Variants in MED13L observed in about 807,000 individuals in gnomAD.
MED13L encodes mediator of RNA polymerase II transcription subunit 13-like.
Under a neutral mutation model 220.9 loss-of-function variants are expected in MED13L, and 7 were observed. The ratio of observed to expected loss-of-function variants is 0.03; its 90% CI spans 0.02 to 0.06. The LOEUF (loss-of-function observed/expected upper bound fraction) is 0.06. Among genes scored for constraint, MED13L ranks in the 10% least tolerant of loss-of-function variants. MED13L has a pLI of 1.00. For missense variants in MED13L, 1,965 were observed against 2,760.5 expected, an observed-to-expected ratio of 0.71 and a Z score of 6.46; for synonymous variants, 1,011 against 1,015.2, an observed-to-expected ratio of 1.00 and a Z score of 0.08.
chr12:116,131,756 A>C (rs1876085377), intron 2 of MED13L, among the ~76,000 whole-genome samples: 1 of 152,222 alleles, frequency 6.6e-6, no homozygotes, highest in Non-Finnish European at 1.5e-5. Flanking sequence ...AGGAAGGCAG[A>C]TCGCTTCAGC....
intron 2 of MED13L, among the ~76,000 whole-genome samples, chr12:116,195,601 G>A (rs573259268): frequency 2.6e-5 from 4 of 151,918 alleles, no homozygotes; most frequent in Non-Finnish European, 4.4e-5. Flanking sequence ...ACAGGTGTGC[G>A]CTACCACACC....
chr12:115,962,493 T>C (rs1295130849), intron 30 of MED13L: 2 of 152,218 alleles, frequency 1.3e-5, no homozygotes, highest in African/African-American at 4.8e-5. Context: ...TGGGGACCCC[T>C]GCTCTAGGGG....
rs1873983117 is a variant in MED13L at position 116,277,523 on chromosome 12, C to T, written c.-392G>A. Among the ~76,000 whole-genome samples the T allele has an allele frequency of 6.7e-6, 1 of 148,830 alleles. No homozygotes were observed. Among genetic ancestry groups the T allele is most frequent in the African/African-American group, 2.4e-5 (1 of 40,974 alleles). On this transcript the variant is annotated 5_prime_UTR_variant, in exon 1 of 31. Transcript: ENST00000281928. ...GGAGCCGCCGCCGCCGCCTCGGAGCCGCCGCCGCCGCGGAGCGCGAACTCG... is the reference window on the plus strand; with the variant it reads ...GGAGCCGCCGCCGCCGCCTCGGAGCTGCCGCCGCCGCGGAGCGCGAACTCG...
chr12:115,982,158 T>TA (rs1314701077), intron 22 of MED13L: 1 of 550,724 alleles, frequency 1.8e-6, no homozygotes, highest in Non-Finnish European at 3.2e-6. Context: ...ATATGAAACA[T>TA]AAATAAATTT....
chr12:116,148,795 T>C (rs1368019705), intron 2 of MED13L: 1 of 156,172 alleles, frequency 6.4e-6, no homozygotes, highest in Admixed American at 6.5e-5. Context: ...TCTATTCGTC[T>C]AACCAATCAA....
chr12:116,119,872 C>G (rs1874886805), intron 2 of MED13L, among the ~76,000 whole-genome samples: 1 of 111,576 alleles, frequency 9.0e-6, no homozygotes, highest in Non-Finnish European at 1.7e-5. Flanking sequence ...TGAAACTTGT[C>G]CAAAGTCACA....
In MED13L at chr12:115,972,966, C is replaced by A. The variant is rs146337412; in HGVS notation, c.5732-730G>T. 4.1e-4 allele frequency among the ~76,000 whole-genome samples: 62 copies of A among 152,258 alleles called. 1 individual carries two copies. The highest frequency in any genetic ancestry group is 6.8e-3 in the Middle Eastern group (2 of 294). ...AGTATGCGCCATTCCTATGCATCAC[C>A]CCTGCTTTCGGATCCCATCTTGCTC... On this transcript the variant is annotated intron_variant, in intron 25 of 30. Transcript: ENST00000281928.
intron 2 of MED13L, among the ~76,000 whole-genome samples, chr12:116,129,896 G>A (rs1490766221): frequency 2.1e-5 from 3 of 145,086 alleles, no homozygotes; most frequent in Non-Finnish European, 3.0e-5. Context: ...GCAACAGAGT[G>A]AGACTCAGTC....
At position 115,991,908 on chromosome 12, in the gene MED13L, G is replaced by A. The variant is rs200115442; in HGVS notation, c.3046C>T (p.Pro1016Ser). 3 of 1,600,752 alleles carry A rather than the reference G, an allele frequency of 1.9e-6. No homozygotes were observed. The highest frequency in any genetic ancestry group is 3.3e-5 in the Admixed American group (2 of 59,996). Residue 1016 changes from proline to serine, a missense_variant, in exon 17 of 31, where the codon CCA (proline) becomes TCA (serine). By Grantham distance (74) the Pro-to-Ser change is moderately conservative. This residue lies in a region of MED13L where 233 missense variants were observed against 306.2 expected (regional missense o/e 0.76). Coordinates refer to ENST00000281928, the MANE Select transcript of MED13L (RefSeq NM_015335.5). The surrounding 1 kb of genome is among the most constrained non-coding windows in gnomAD (Gnocchi z 7.7). The stretch of plus-strand genomic sequence containing the variant: ...AACGTCACGGGTGTGTTCATCTGTG[G>A]TGTGTTCAGATAGTCTGGATCTGCT... ...SLADPDYLNTPQMNTPVTLNS... is the reference protein window; with the variant it reads ...SLADPDYLNTSQMNTPVTLNS...
At chr12:116,004,728 T>A (rs550379899) in intron 13 of MED13L, among the ~76,000 whole-genome samples, 1 of 152,278 alleles carries the variant, frequency 6.6e-6, no homozygotes, top group East Asian at 1.9e-4. Context: ...CTTCTTTCCA[T>A]ATTTCAAGTA....
chr12:116,144,974 C>T (rs189419388), intron 2 of MED13L, among the ~76,000 whole-genome samples: 1 of 152,178 alleles, frequency 6.6e-6, no homozygotes, highest in African/African-American at 2.4e-5. Flanking sequence ...AAGGTAATTA[C>T]GTGTATCTGT....
At chr12:116,014,801 T>A (rs1472284804) in intron 8 of MED13L, among the ~76,000 whole-genome samples, 1 of 152,192 alleles carries the variant, frequency 6.6e-6, no homozygotes, top group Non-Finnish European at 1.5e-5. Context: ...AACCCACTGG[T>A]TGCTGTCCTG....
At chr12:116,222,152 G>A (rs1270846594) in intron 2 of MED13L, among the ~76,000 whole-genome samples, 2 of 152,032 alleles carry the variant, frequency 1.3e-5, no homozygotes, top group Non-Finnish European at 2.9e-5. Context: ...AAAATATATG[G>A]CTATAAAATG....
At chr12:115,963,366 G>A in intron 30 of MED13L, 41 bp downstream of exon 30, 1 of 1,438,494 alleles carries the variant, frequency 7.0e-7, no homozygotes. Context: ...AAGGAATATT[G>A]TTTCAAATTG....
intron 2 of MED13L, among the ~76,000 whole-genome samples, chr12:116,141,926 C>T (rs1337982360): frequency 6.6e-6 from 1 of 152,116 alleles, no homozygotes; most frequent in Non-Finnish European, 1.5e-5. Flanking sequence ...AGCTTCACGC[C>T]CACTGCTCTT....
intron 2 of MED13L, among the ~76,000 whole-genome samples, chr12:116,198,594 T>C (rs1881800647): frequency 6.6e-6 from 1 of 152,180 alleles, no homozygotes; most frequent in African/African-American, 2.4e-5. Flanking sequence ...GCACAGTGTT[T>C]CTCCTGGGAA....
At chr12:116,002,128 A>C (rs1878783471) in intron 14 of MED13L, among the ~76,000 whole-genome samples, 1 of 152,244 alleles carries the variant, frequency 6.6e-6, no homozygotes, top group South Asian at 2.1e-4. Flanking sequence ...AACTAAAAAA[A>C]CTACAGCAAC....
chr12:116,022,304 T>TA, intron 5 of MED13L, 152 bp downstream of exon 5: 1 of 876,256 alleles, frequency 1.1e-6, no homozygotes, highest in Non-Finnish European at 1.8e-6. Flanking sequence ...TATGAAATGG[T>TA]AGTCTTTTCT....
intron 5 of MED13L, 25 bp downstream of exon 5, chr12:116,022,431 G>A (rs754890911): frequency 6.2e-7 from 1 of 1,613,110 alleles, no homozygotes; most frequent in Non-Finnish European, 8.5e-7. Context: ...GGATAGGGGT[G>A]GAGAGCAGGA....
Sources: gnomAD v4.1 joint callset for allele counts (sites outside exome capture counted in the v4.1 genomes callset) on GRCh38, gnomAD v4.1.1 for gene constraint, gnomAD v4.1.1 regional missense constraint, Gnocchi (gnomAD v3.1) non-coding constraint, MANE v1.5 for transcripts, NCBI Gene and HGNC (gene_info 2026-07-23, HGNC 2026-07-21) for gene names.